ZNF516: variants seen among roughly 807,000 people sequenced by gnomAD.
The protein encoded by ZNF516 is zinc finger protein 516.
Under a neutral mutation model 79.7 loss-of-function variants are expected in ZNF516, and 19 were observed. That is an observed-to-expected ratio of 0.24 (90% CI 0.17 to 0.35). The LOEUF is 0.35. Ranked by LOEUF, ZNF516 falls within the 10% of genes least tolerant of loss-of-function variation. ZNF516 has a pLI of 1.00. For missense variants in ZNF516, 1,678 were observed against 1,679.5 expected (o/e 1.00, Z 0.02); for synonymous variants, 877 against 739.5 (o/e 1.19, Z -3.02).
rs368754461 is a variant in ZNF516 at position 76,425,598 on chromosome 18, C to T, written c.1810+15647G>A. On this transcript the variant is annotated intron_variant, in intron 3 of 6. Transcript: ENST00000443185. ...TTCTCCACATCTGGGAAGCCCATGTCTCAGGAAGACCGAAGGAATTCTTGG... is the reference window on the plus strand; with the variant it reads ...TTCTCCACATCTGGGAAGCCCATGTTTCAGGAAGACCGAAGGAATTCTTGG... Among the ~76,000 whole-genome samples, 22 of 152,226 alleles carry T rather than the reference C, an allele frequency of 1.4e-4. No individual in the cohort carries two copies. In the East Asian group the frequency reaches 1.7e-3, roughly 12 times the overall value.
chr18:76,482,579 T>C (rs779105185), intron 1 of ZNF516, among the ~76,000 whole-genome samples: 3 of 152,238 alleles, frequency 2.0e-5, no homozygotes, highest in Non-Finnish European at 4.4e-5. Flanking sequence ...GGTGAGGCTA[T>C]GTTACCATGT....
intron 6 of ZNF516, among the ~76,000 whole-genome samples, chr18:76,365,698 T>G (rs1014397337): frequency 2.6e-5 from 4 of 152,176 alleles, no homozygotes; most frequent in Non-Finnish European, 5.9e-5. Context: ...CAAAACACAG[T>G]AAAAGCACCA....
chr18:76,373,730 C>T (rs139931175), intron 4 of ZNF516, among the ~76,000 whole-genome samples: 6 of 152,370 alleles, frequency 3.9e-5, no homozygotes, highest in African/African-American at 7.2e-5. Context: ...CACACACACA[C>T]GCAGGCGTAC....
In ZNF516 at chr18:76,380,153, T is replaced by C. The variant is rs775994954; in HGVS notation, c.1961A>G (p.Glu654Gly). The C allele has an allele frequency of 6.2e-7, 1 of 1,613,954 alleles. No homozygotes were observed. Among genetic ancestry groups the C allele is most frequent in the South Asian group, 1.1e-5 (1 of 91,082 alleles). ...TCTAGAAGTCTCTCTGCTACTGTTT[T>C]CAAGTATGGACACAGAAGCTGCGAT... ...AGIAASVSIL[E>G]NSSRETSRRQ... Residue 654 changes from glutamate (E) to glycine (G), a missense_variant, in exon 4 of 7, where the codon GAA becomes GGA. This residue lies in a region of ZNF516 where 1,294 missense variants were observed against 1,248.3 expected (regional missense o/e 1.04). Coordinates refer to ENST00000443185, the MANE Select transcript of ZNF516 (RefSeq NM_014643.4).
intron 1 of ZNF516, among the ~76,000 whole-genome samples, chr18:76,475,659 G>T (rs1303230517): frequency 6.6e-6 from 1 of 152,172 alleles, no homozygotes; most frequent in Admixed American, 6.6e-5. Context: ...CCTCCTGCTG[G>T]CTGCTCACAG....
intron 1 of ZNF516, among the ~76,000 whole-genome samples, chr18:76,466,056 C>T (rs1393347370): frequency 6.6e-6 from 1 of 152,168 alleles, no homozygotes; most frequent in Non-Finnish European, 1.5e-5. Context: ...GCAGTCCTCT[C>T]GATGCATTTT....
At chr18:76,478,986 G>A (rs1245143581) in intron 1 of ZNF516, among the ~76,000 whole-genome samples, 2 of 151,960 alleles carry the variant, frequency 1.3e-5, no homozygotes, top group Non-Finnish European at 2.9e-5. Context: ...AACCTGGGAG[G>A]CGAAGGTTGC....
chr18:76,492,988 T>TCACA, intron 1 of ZNF516: 2 of 985,434 alleles, frequency 2.0e-6, no homozygotes, highest in Non-Finnish European at 2.4e-6. Flanking sequence ...ACGCGCGCGC[T>TCACA]CACACACACA....
At chr18:76,409,836 G>A (rs972917334) in intron 3 of ZNF516, among the ~76,000 whole-genome samples, 30 of 152,138 alleles carry the variant, frequency 2.0e-4, no homozygotes, top group Admixed American at 3.9e-4. Flanking sequence ...GGTATGGTTT[G>A]GCTGTGTCCC....
chr18:76,470,256 G>A (rs897158937), intron 1 of ZNF516, among the ~76,000 whole-genome samples: 30 of 152,036 alleles, frequency 2.0e-4, no homozygotes, highest in Admixed American at 1.6e-3. Context: ...TTTGCTTGGC[G>A]TTTTCCCCCC....
chr18:76,360,642 A>ATAT lies in ZNF516; in HGVS notation c.*1855_*1856insATA, dbSNP rs1269370085. 6.6e-4 allele frequency: 71 copies of ATAT among 107,014 alleles called. No individual in the cohort carries two copies. Among genetic ancestry groups the ATAT allele is most frequent in the Non-Finnish European group, 1.2e-3 (59 of 50,112 alleles). The allele number at this position is 107,014 out of a possible 1,614,324, so 6.6% of individuals were successfully genotyped here. ...TCAGAAAAAAATAAGTAAAAAAAAA[A>ATAT]AAAAATATATATATATATATATATA... On this transcript the variant is annotated 3_prime_UTR_variant, in exon 7 of 7. Coordinates refer to ENST00000443185, the MANE Select transcript of ZNF516 (RefSeq NM_014643.4).
At chr18:76,426,720 G>A (rs2145424665) in intron 3 of ZNF516, among the ~76,000 whole-genome samples, 1 of 152,264 alleles carries the variant, frequency 6.6e-6, no homozygotes, top group South Asian at 2.1e-4. Flanking sequence ...TGGATAAAGG[G>A]AACATTATTT....
rs984779110 is a variant in ZNF516, at chr18:76,451,544, T to C, written c.-157-8333A>G. Among the ~76,000 whole-genome samples the C allele has an allele frequency of 1.2e-4, 18 of 152,136 alleles. No individual in the cohort carries two copies. The East Asian group carries it at 1.3e-3, about 11-fold the overall frequency. On this transcript the variant is annotated intron_variant, in intron 2 of 6. Transcript: ENST00000443185. The surrounding 1 kb of genome is among the most constrained non-coding windows in gnomAD (Gnocchi z 6.0). Reference sequence around the variant, plus strand: ...TGGCTCCAAAAGGCAAATCATAAAATCTAAAAGAGCAACTACGCTGGTGCG... The same window carrying C: ...TGGCTCCAAAAGGCAAATCATAAAACCTAAAAGAGCAACTACGCTGGTGCG...
intron 6 of ZNF516, among the ~76,000 whole-genome samples, chr18:76,366,451 A>G (rs946751964): frequency 2.6e-5 from 4 of 152,362 alleles, no homozygotes; most frequent in Admixed American, 1.3e-4. Flanking sequence ...GTTTTCCTGC[A>G]TCCTCTCTTT....
intron 1 of ZNF516, among the ~76,000 whole-genome samples, chr18:76,478,451 G>T (rs963423457): frequency 2.6e-5 from 4 of 152,018 alleles, no homozygotes; most frequent in Non-Finnish European, 4.4e-5. Context: ...AAGGTTTAAG[G>T]TTTAATATAC....
chr18:76,381,263 G>A (rs374678922), intron 3 of ZNF516, among the ~76,000 whole-genome samples: 3 of 152,144 alleles, frequency 2.0e-5, no homozygotes, highest in Non-Finnish European at 4.4e-5. Flanking sequence ...ACAAAAATTC[G>A]GTTTTATGTT....
At chr18:76,405,437 C>A (rs752112462) in intron 3 of ZNF516, among the ~76,000 whole-genome samples, 1 of 152,134 alleles carries the variant, frequency 6.6e-6, no homozygotes, top group Non-Finnish European at 1.5e-5. Context: ...ACCGACAGGG[C>A]GTGGGCAACG....
intron 2 of ZNF516, among the ~76,000 whole-genome samples, chr18:76,449,319 C>A (rs539002591): frequency 6.6e-6 from 1 of 152,360 alleles, no homozygotes; most frequent in South Asian, 2.1e-4. Flanking sequence ...TCCGGCCCAA[C>A]AGCCTCCCAA....
chr18:76,409,243 ACT>A (rs2075342611), intron 3 of ZNF516, among the ~76,000 whole-genome samples: 2 of 152,172 alleles, frequency 1.3e-5, no homozygotes, highest in Admixed American at 1.3e-4. Flanking sequence ...ATTTATAGAA[ACT>A]CTATTTTTAT....
Sources: allele counts gnomAD v4.1 joint callset (sites outside exome capture counted in the v4.1 genomes callset), GRCh38; gene constraint gnomAD v4.1.1; regional missense constraint gnomAD v4.1.1; non-coding constraint Gnocchi (gnomAD v3.1); transcripts MANE v1.5; gene names NCBI Gene and HGNC (gene_info 2026-07-23, HGNC 2026-07-21).